Variants in CDK15 observed in about 807,000 individuals in gnomAD.
CDK15 encodes cyclin-dependent kinase 15.
In CDK15, 62 loss-of-function variants were observed where a neutral mutation model predicts 60.3. The observed-to-expected ratio is 1.03, with a 90% confidence interval of 0.84 to 1.27. The LOEUF is 1.27. Among genes scored for constraint, CDK15 ranks in the 50% most tolerant of loss-of-function variants. CDK15 has a pLI of 0.00. For synonymous variants in CDK15, 194 were observed against 195.7 expected, an observed-to-expected ratio of 0.99 and a Z score of 0.07; for missense variants, 541 against 527.8, an observed-to-expected ratio of 1.03 and a Z score of -0.25.
intron 3 of CDK15, among the ~76,000 whole-genome samples, chr2:201,808,323 A>G (rs2106146431): frequency 6.6e-6 from 1 of 152,282 alleles, no homozygotes; most frequent in Non-Finnish European, 1.5e-5. Flanking sequence ...TCCCTAAATC[A>G]CAATGACAGA....
intron 10 of CDK15, among the ~76,000 whole-genome samples, chr2:201,863,508 C>A (rs552441485): frequency 1.8e-4 from 28 of 152,280 alleles, no homozygotes; most frequent in African/African-American, 6.0e-4. Context: ...AAACCAGAGC[C>A]TCCTTCTCCA....
Position 201,807,560 on chromosome 2 carries a change from C to A in CDK15, c.190C>A (p.Arg64Ser). 1 of 1,614,096 alleles carries A rather than the reference C, an allele frequency of 6.2e-7. No homozygotes were observed. The highest frequency in any genetic ancestry group is 2.2e-5 in the East Asian group (1 of 44,870). ...TCACCCCAGGGGACTTCAAGCTGCCCGTGCCCAGAAGTTCAAGAGTAAAAG... is the reference window on the plus strand; with the variant it reads ...TCACCCCAGGGGACTTCAAGCTGCCAGTGCCCAGAAGTTCAAGAGTAAAAG... ...SFHPRGLQAA[R>S]AQKFKSKRPR... The change falls in exon 2 of 14, where the codon CGT becomes AGT. Residue 64 changes from arginine to serine, a missense_variant. Arg to Ser is a moderately radical substitution (Grantham distance 110). Coordinates refer to ENST00000652192, the MANE Select transcript of CDK15 (RefSeq NM_001366386.2).
chr2:201,878,050 G>T (rs1699145556), intron 11 of CDK15, among the ~76,000 whole-genome samples: 1 of 152,162 alleles, frequency 6.6e-6, no homozygotes, highest in African/African-American at 2.4e-5. Flanking sequence ...ATCTATGTCT[G>T]CTTAATTGGG....
chr2:201,867,380 T>C (rs1330319933), intron 10 of CDK15, among the ~76,000 whole-genome samples: 1 of 152,058 alleles, frequency 6.6e-6, no homozygotes, highest in Admixed American at 6.5e-5. Flanking sequence ...ATCCTAACAC[T>C]TTGGGAGGCT....
chr2:201,849,584 G>A (rs1309103444), intron 9 of CDK15, among the ~76,000 whole-genome samples: 2 of 152,060 alleles, frequency 1.3e-5, no homozygotes, highest in African/African-American at 2.4e-5. Context: ...CACATGATCT[G>A]TATTTTCAAG....
intron 10 of CDK15, among the ~76,000 whole-genome samples, chr2:201,856,423 T>C (rs1409128033): frequency 6.6e-6 from 1 of 152,196 alleles, no homozygotes; most frequent in Non-Finnish European, 1.5e-5. Flanking sequence ...TTAATATCAT[T>C]TGCAAATAGT....
At chr2:201,833,716 C>CCTTT in intron 6 of CDK15, 132 bp from the exon 7 acceptor site, 1 of 170,340 alleles carries the variant, frequency 5.9e-6, no homozygotes, top group Non-Finnish European at 9.9e-6. Context: ...TCTTCTTCTT[C>CCTTT]TTTTTTTTTT....
In CDK15 at chr2:201,811,975, C is replaced by A. The variant is rs1303575414; in HGVS notation, c.369-508C>A. Among the ~76,000 whole-genome samples the A allele has an allele frequency of 2.0e-5, 3 of 151,922 alleles. No homozygotes were observed. The South Asian group carries it at 6.2e-4, about 32-fold the overall frequency. ...ATCACCTGAGGTCAGGAGTTCGAGA[C>A]CAGCCTGGCCAAAATGGTGAAACCC... is the stretch of plus-strand genomic sequence containing the variant. On this transcript the variant is annotated intron_variant, in intron 3 of 13. Transcript: ENST00000652192.
At chr2:201,808,955 A>G (rs1256613163) in intron 3 of CDK15, among the ~76,000 whole-genome samples, 1 of 151,438 alleles carries the variant, frequency 6.6e-6, no homozygotes, top group Non-Finnish European at 1.5e-5. Flanking sequence ...TTGGAATGGA[A>G]TCTCTGTCAC....
intron 10 of CDK15, among the ~76,000 whole-genome samples, chr2:201,871,981 A>T (rs1698865537): frequency 6.6e-6 from 1 of 152,048 alleles, no homozygotes; most frequent in Non-Finnish European, 1.5e-5. Context: ...CTTTCATCTT[A>T]ACTAATTACA....
chr2:201,832,563 T>C (rs1696806389), intron 6 of CDK15, among the ~76,000 whole-genome samples: 1 of 152,100 alleles, frequency 6.6e-6, no homozygotes, highest in Admixed American at 6.6e-5. Context: ...AAAGAGAAAA[T>C]GCTGGGAAGA....
At chr2:201,818,026 T>C (rs1337031381) in intron 4 of CDK15, among the ~76,000 whole-genome samples, 2 of 152,252 alleles carry the variant, frequency 1.3e-5, no homozygotes, top group East Asian at 3.8e-4. Flanking sequence ...AGAAACACTT[T>C]TTTATTCAAT....
At chr2:201,818,247 C>G (rs187413137) in intron 4 of CDK15, among the ~76,000 whole-genome samples, 8 of 152,296 alleles carry the variant, frequency 5.3e-5, no homozygotes, top group African/African-American at 1.2e-4. Context: ...GACTACCAGG[C>G]CTTCATTACA....
intron 10 of CDK15, among the ~76,000 whole-genome samples, chr2:201,858,944 C>T (rs887742824): frequency 3.6e-4 from 55 of 152,258 alleles, no homozygotes; most frequent in African/African-American, 1.3e-3. Flanking sequence ...CACCCTCCTC[C>T]GGCAGCACAC....
chr2:201,812,497 T>C lies in CDK15; in HGVS notation c.383T>C (p.Leu128Pro), dbSNP rs941976314. 1.6e-5 allele frequency: 25 copies of C among 1,612,612 alleles called. No homozygotes were observed. Among genetic ancestry groups the C allele is most frequent in the Non-Finnish European group, 2.1e-5 (25 of 1,178,952 alleles). The change falls in exon 4 of 14, where the codon CTA becomes CCA. Residue 128 changes from leucine to proline, a missense_variant. Physicochemically the swap from Leu to Pro is moderately conservative, Grantham distance 98. Transcript: ENST00000652192. ...CTCTCTTCTAGAATAAATGGACAAC[T>C]AGTGGCTTTAAAAGTCATCAGCATG... is the stretch of plus-strand genomic sequence containing the variant. ...YKGISRINGQ[L>P]VALKVISMNA...
chr2:201,849,113 CA>C (rs1465063736), intron 9 of CDK15, among the ~76,000 whole-genome samples: 2 of 152,154 alleles, frequency 1.3e-5, no homozygotes. Context: ...TGAACATGGG[CA>C]AGTTATGTAG....
intron 8 of CDK15, among the ~76,000 whole-genome samples, chr2:201,844,645 G>A (rs1370355390): frequency 5.9e-5 from 9 of 152,078 alleles, no homozygotes; most frequent in Admixed American, 5.9e-4. Context: ...TTCTTATACA[G>A]CAGAAATCAG....
chr2:201,888,764 A>G, intron 12 of CDK15: 1 of 1,187,276 alleles, frequency 8.4e-7, no homozygotes, highest in Non-Finnish European at 1.0e-6. Flanking sequence ...GCTGCTTTTG[A>G]GGGGCAAGGA....
rs548488704 is a variant in CDK15 at position 201,833,886 on chromosome 2, C to T, written c.645C>T (p.Ile215=). ...AACTTTTGCGGGGCCTGGCGTACAT[C>T]CACCACCAACACGTTCTTCACAGGG... ...MFQLLRGLAY[I]HHQHVLHRDL... Residue 215 remains isoleucine (I), a synonymous_variant, in exon 7 of 14, where the codon ATC becomes ATT. Transcript: ENST00000652192. 5.6e-6 allele frequency: 9 copies of T among 1,613,964 alleles called. No homozygotes were observed. The South Asian group carries it at 8.8e-5, about 16-fold the overall frequency.
Sources: allele counts gnomAD v4.1 joint callset (sites outside exome capture counted in the v4.1 genomes callset), GRCh38; gene constraint gnomAD v4.1.1; transcripts MANE v1.5; gene names NCBI Gene and HGNC (gene_info 2026-07-23, HGNC 2026-07-21).